Variants in HMGA2 observed in about 807,000 individuals in gnomAD.
HMGA2 encodes high mobility group protein HMGI-C.
In HMGA2, 8 loss-of-function variants were observed where a neutral mutation model predicts 19.1. That is an observed-to-expected ratio of 0.42 (90% CI 0.25 to 0.76). HMGA2 has a LOEUF of 0.76. Ranked by LOEUF, HMGA2 falls within the 30% of genes least tolerant of loss-of-function variation. The pLI is 0.28. For missense variants in HMGA2, 109 were observed against 136.3 expected (o/e 0.80, Z 1.00); for synonymous variants, 60 against 48.8 (o/e 1.23, Z -0.96).
At chr12:65,902,198 G>C (rs1874400545) in intron 3 of HMGA2, among the ~76,000 whole-genome samples, 1 of 151,764 alleles carries the variant, frequency 6.6e-6, no homozygotes, top group South Asian at 2.1e-4. Context: ...AATAGCTAAA[G>C]AGCCATTTTC....
Position 65,965,562 on chromosome 12 carries a change from C to G in HMGA2, c.*2270C>G, listed in dbSNP as rs1480011186. 7 of 212,128 alleles carry G rather than the reference C, an allele frequency of 3.3e-5. No homozygotes were observed. The East Asian group carries it at 5.0e-4, about 15-fold the overall frequency. The allele number at this position is 212,128 out of a possible 1,614,324, so 13.1% of individuals were successfully genotyped here. A position where few individuals can be genotyped will look rare whatever the true frequency, so the allele number is the denominator to read the frequency against. On this transcript the variant is annotated 3_prime_UTR_variant, in exon 5 of 5. Coordinates refer to ENST00000403681, the MANE Select transcript of HMGA2 (RefSeq NM_003483.6). Reference sequence around the variant, plus strand: ...CAGATCGCTCACTGTTGTGAATCACCAAAGGAGCTATGGAGAGAATTAAAA... The same window carrying G: ...CAGATCGCTCACTGTTGTGAATCACGAAAGGAGCTATGGAGAGAATTAAAA...
rs867228280 is a variant in HMGA2 at position 65,825,478 on chromosome 12, C to G, written c.111+97C>G. The G allele has an allele frequency of 2.5e-6, 2 of 797,972 alleles. No homozygotes were observed. The highest frequency in any genetic ancestry group is 3.7e-5 in the African/African-American group (2 of 54,548). The allele number at this position is 797,972 out of a possible 1,614,324, so 49.4% of individuals were successfully genotyped here. ...CGGCCGGAGTGCGGGAGCCCAGTCGCCGCGGCCGTCGCACACTGCCCGCCG... is the reference window on the plus strand; with the variant it reads ...CGGCCGGAGTGCGGGAGCCCAGTCGGCGCGGCCGTCGCACACTGCCCGCCG... On this transcript the variant is annotated intron_variant, in intron 1 of 4. Transcript: ENST00000403681. This position sits in a 1 kb window ranked among gnomAD's most constrained non-coding sequence, Gnocchi z 4.4.
intron 3 of HMGA2, among the ~76,000 whole-genome samples, chr12:65,868,922 A>G (rs1057514285): frequency 6.6e-6 from 1 of 152,238 alleles, no homozygotes; most frequent in African/African-American, 2.4e-5. Flanking sequence ...ACAAGGTCAT[A>G]TTATAAACAT....
intron 3 of HMGA2, chr12:65,866,929 G>A (rs1872449858): frequency 8.8e-6 from 4 of 456,832 alleles, no homozygotes; most frequent in Non-Finnish European, 1.8e-5. Context: ...TGTCAAGATA[G>A]GAACATGTGC....
At chr12:65,838,998 C>CTTTTTCTTTTTTT (rs1870869019) in intron 3 of HMGA2, among the ~76,000 whole-genome samples, 2 of 107,230 alleles carry the variant, frequency 1.9e-5, no homozygotes, top group Admixed American at 8.5e-5. Flanking sequence ...TTTTCTTTTT[C>CTTTTTCTTTTTTT]TTTTTTTTTT....
At chr12:65,861,013 G>A (rs891193606) in intron 3 of HMGA2, among the ~76,000 whole-genome samples, 1 of 152,186 alleles carries the variant, frequency 6.6e-6, no homozygotes, top group Admixed American at 6.5e-5. Context: ...AAAAAGATGT[G>A]TCTACTTTGG....
Position 65,848,340 on chromosome 12 carries a change from C to A in HMGA2, c.249+9771C>A, listed in dbSNP as rs377637166. ...TAATGGCCTATTTGTGTCCCATTTTCTTTCTGTTAATTTTTAGTACTAACA... is the reference window on the plus strand; with the variant it reads ...TAATGGCCTATTTGTGTCCCATTTTATTTCTGTTAATTTTTAGTACTAACA... On this transcript the variant is annotated intron_variant, in intron 3 of 4. Transcript: ENST00000403681. Among the ~76,000 whole-genome samples, 13 of 152,194 alleles carry A rather than the reference C, an allele frequency of 8.5e-5. No homozygotes were observed. In the East Asian group the frequency reaches 2.3e-3, roughly 27 times the overall value.
intron 3 of HMGA2, among the ~76,000 whole-genome samples, chr12:65,945,747 C>T (rs745355659): frequency 3.3e-5 from 5 of 152,100 alleles, no homozygotes; most frequent in Non-Finnish European, 5.9e-5. Flanking sequence ...GCTGTGTCTA[C>T]TTATTCAATA....
At chr12:65,938,884 G>A (rs1453031130) in intron 3 of HMGA2, among the ~76,000 whole-genome samples, 2 of 151,826 alleles carry the variant, frequency 1.3e-5, no homozygotes, top group African/African-American at 2.4e-5. Flanking sequence ...TGCCGGCCTC[G>A]AACTCCTAGG....
At position 65,824,749 on chromosome 12, in the gene HMGA2, C is replaced by G. The variant is rs894268894; in HGVS notation, c.-522C>G. 15 of 231,928 alleles carry G rather than the reference C, an allele frequency of 6.5e-5. No individual in the cohort carries two copies. Among genetic ancestry groups the G allele is most frequent in the African/African-American group, 1.8e-4 (8 of 44,272 alleles). The allele number at this position is 231,928 out of a possible 1,614,324, so 14.4% of individuals were successfully genotyped here. ...TCTCTCTCTCTCTCTCTCTCTCTCT[C>G]TCTCTCTCTCTCTCTCTCTCGCAGG... is the stretch of plus-strand genomic sequence containing the variant. On this transcript the variant is annotated 5_prime_UTR_variant, in exon 1 of 5. Coordinates refer to ENST00000403681, the MANE Select transcript of HMGA2 (RefSeq NM_003483.6).
chr12:65,917,508 G>A lies in HMGA2; in HGVS notation c.250-33875G>A, dbSNP rs559900663. ...GTTTAACGAATGAGGGAGGGAATGA[G>A]GGAATGACTGAATCAAGCAAGTAAG... On this transcript the variant is annotated intron_variant, in intron 3 of 4. Coordinates refer to ENST00000403681, the MANE Select transcript of HMGA2 (RefSeq NM_003483.6). 8.5e-4 allele frequency among the ~76,000 whole-genome samples: 129 copies of A among 152,262 alleles called. 1 individual carries two copies. Among genetic ancestry groups the A allele is most frequent in the Non-Finnish European group, 1.6e-3 (110 of 68,022 alleles).
chr12:65,888,517 C>CATT (rs1462086438), intron 3 of HMGA2, among the ~76,000 whole-genome samples: 1 of 143,528 alleles, frequency 7.0e-6, no homozygotes, highest in East Asian at 2.1e-4. Context: ...CTCATAGACT[C>CATT]ATTCATCCAA....
At chr12:65,922,385 A>G (rs1875348351) in intron 3 of HMGA2, among the ~76,000 whole-genome samples, 1 of 152,208 alleles carries the variant, frequency 6.6e-6, no homozygotes, top group African/African-American at 2.4e-5. Context: ...GTCAAAGGAG[A>G]TCGCTTTGGA....
chr12:65,858,884 C>T (rs774775988), intron 3 of HMGA2: 1 of 152,158 alleles, frequency 6.6e-6, no homozygotes, highest in Non-Finnish European at 1.5e-5. Context: ...ATGTAGATTG[C>T]TAACAAGGTT....
At chr12:65,931,725 C>A (rs1283669798) in intron 3 of HMGA2, among the ~76,000 whole-genome samples, 2 of 152,058 alleles carry the variant, frequency 1.3e-5, no homozygotes, top group Non-Finnish European at 2.9e-5. Flanking sequence ...GGATGGGCGC[C>A]AGAACGACAC....
chr12:65,957,088 G>C (rs1876626341), intron 4 of HMGA2: 1 of 152,078 alleles, frequency 6.6e-6, no homozygotes, highest in Non-Finnish European at 1.5e-5. Context: ...TTACTCAAAA[G>C]TCATAACTCA....
chr12:65,888,450 G>C (rs1422847374), intron 3 of HMGA2, among the ~76,000 whole-genome samples: 1 of 147,904 alleles, frequency 6.8e-6, no homozygotes, highest in African/African-American at 2.5e-5. Flanking sequence ...GTGAGACTCA[G>C]TCCCCCCCAA....
At chr12:65,842,585 A>G (rs970798037) in intron 3 of HMGA2, 33 of 1,528,820 alleles carry the variant, frequency 2.2e-5, no homozygotes, top group Non-Finnish European at 2.7e-5. Context: ...TCTCTTTGCT[A>G]TTAAGGAGGA....
intron 2 of HMGA2, among the ~76,000 whole-genome samples, chr12:65,832,114 T>C (rs1347550402): frequency 2.0e-5 from 3 of 151,924 alleles, no homozygotes. Context: ...TGAAATTAAG[T>C]AAAGTCCAAC....
Sources: gnomAD v4.1 joint callset for allele counts (sites outside exome capture counted in the v4.1 genomes callset) on GRCh38, gnomAD v4.1.1 for gene constraint, Gnocchi (gnomAD v3.1) non-coding constraint, MANE v1.5 for transcripts, NCBI Gene and HGNC (gene_info 2026-07-23, HGNC 2026-07-21) for gene names.